Variants in CIMIP6 observed in about 807,000 individuals in gnomAD.
CIMIP6 encodes the protein uncharacterized protein C2orf73.
At chr2:54,363,615 G>T in the CIMIP6 span, among the ~76,000 whole-genome samples, 7 of 152,196 alleles carry the variant, frequency 4.6e-5, no homozygotes, top group East Asian at 1.2e-3. Flanking sequence ...CTAAACGTGA[G>T]TTCTTTAGTA....
the CIMIP6 span, among the ~76,000 whole-genome samples, chr2:54,353,273 G>A: frequency 1.4e-4 from 22 of 152,232 alleles, no homozygotes; most frequent in African/African-American, 2.2e-4. Context: ...TTAAACAACC[G>A]TCCCTGATTG....
the CIMIP6 span, among the ~76,000 whole-genome samples, chr2:54,348,727 A>G: frequency 6.6e-6 from 1 of 152,240 alleles, no homozygotes; most frequent in Non-Finnish European, 1.5e-5. Flanking sequence ...TAAGCATATG[A>G]ACATGCACAT....
chr2:54,360,272 G>A, the CIMIP6 span: 2 of 1,612,216 alleles, frequency 1.2e-6, no homozygotes, highest in African/African-American at 1.3e-5. Context: ...AGGAGCAGAG[G>A]TATTACTGAA....
chr2:54,356,302 C>T, the CIMIP6 span, among the ~76,000 whole-genome samples: 41 of 152,284 alleles, frequency 2.7e-4, no homozygotes, highest in East Asian at 5.8e-4. Context: ...GGGACTTCTG[C>T]GCGCTTCTGC....
At chr2:54,375,650 T>A in the CIMIP6 span, among the ~76,000 whole-genome samples, 1 of 152,216 alleles carries the variant, frequency 6.6e-6, no homozygotes, top group Non-Finnish European at 1.5e-5. Flanking sequence ...AGAGCATATT[T>A]ACAAGGACAT....
At chr2:54,334,877 C>G in the CIMIP6 span, 1 of 1,558,560 alleles carries the variant, frequency 6.4e-7, no homozygotes, top group Non-Finnish European at 8.7e-7. Flanking sequence ...AAATTAAACA[C>G]GAAGAAAAAC....
the CIMIP6 span, among the ~76,000 whole-genome samples, chr2:54,376,989 G>A: frequency 6.6e-6 from 1 of 152,192 alleles, no homozygotes; most frequent in African/African-American, 2.4e-5. Flanking sequence ...TCCTTCTGAA[G>A]AACAGTCTTT....
the CIMIP6 span, among the ~76,000 whole-genome samples, chr2:54,346,828 CAT>C: frequency 2.0e-5 from 3 of 152,340 alleles, no homozygotes; most frequent in South Asian, 4.1e-4. Context: ...TTTAAAAACA[CAT>C]GTGATATTCT....
the CIMIP6 span, among the ~76,000 whole-genome samples, chr2:54,353,109 G>C: frequency 6.7e-6 from 1 of 150,016 alleles, no homozygotes; most frequent in East Asian, 2.0e-4. Context: ...TCTCCTTGCA[G>C]TAGGTAGATG....
At chr2:54,336,185 T>G in the CIMIP6 span, among the ~76,000 whole-genome samples, 1 of 152,162 alleles carries the variant, frequency 6.6e-6, no homozygotes, top group African/African-American at 2.4e-5. Flanking sequence ...GGCAAAGGTG[T>G]AGTCATGTTA....
chr2:54,338,187 A>G, the CIMIP6 span, among the ~76,000 whole-genome samples: 3 of 152,180 alleles, frequency 2.0e-5, no homozygotes, highest in Admixed American at 2.0e-4. Context: ...TAATCCCAAC[A>G]CTTTGGAAGG....
At chr2:54,344,888 G>A in the CIMIP6 span, among the ~76,000 whole-genome samples, 1 of 152,050 alleles carries the variant, frequency 6.6e-6, no homozygotes, top group South Asian at 2.1e-4. Flanking sequence ...CAACTTTTCT[G>A]GAGCTCCAGA....
chr2:54,356,100 C>T, the CIMIP6 span, among the ~76,000 whole-genome samples: 1 of 148,636 alleles, frequency 6.7e-6, no homozygotes, highest in South Asian at 2.1e-4. Flanking sequence ...CTCTACTAGG[C>T]TGGTCATGTA....
chr2:54,361,542 C>T, the CIMIP6 span: 1 of 152,138 alleles, frequency 6.6e-6, no homozygotes, highest in South Asian at 2.1e-4. Flanking sequence ...TATCTTTATC[C>T]ATTTATTCTC....
At chr2:54,365,968 G>A in the CIMIP6 span, among the ~76,000 whole-genome samples, 3 of 152,128 alleles carry the variant, frequency 2.0e-5, no homozygotes, top group Non-Finnish European at 4.4e-5. Context: ...GTTATTAAGA[G>A]TTCCAGAAGG....
chr2:54,380,856 C>T, the CIMIP6 span, among the ~76,000 whole-genome samples: 1 of 152,208 alleles, frequency 6.6e-6, no homozygotes, highest in African/African-American at 2.4e-5. Flanking sequence ...GTTGGTTTTC[C>T]TCTTTCCTCT....
At chr2:54,343,766 C>T in the CIMIP6 span, 1 of 1,611,082 alleles carries the variant, frequency 6.2e-7, no homozygotes, top group African/African-American at 1.3e-5. Flanking sequence ...GTCTTCCTAC[C>T]ACCTTACGAC....
At chr2:54,382,006 T>C in the CIMIP6 span, 2 of 1,520,882 alleles carry the variant, frequency 1.3e-6, no homozygotes, top group African/African-American at 1.4e-5. Context: ...GCAGTTTCAT[T>C]TTTATAATGA....
the CIMIP6 span, chr2:54,360,491 C>G: frequency 6.4e-7 from 1 of 1,572,040 alleles, no homozygotes; most frequent in East Asian, 2.3e-5. Flanking sequence ...AGGCGCCACT[C>G]AAACAACTGT....
Sources: allele counts gnomAD v4.1 joint callset (sites outside exome capture counted in the v4.1 genomes callset), GRCh38; gene constraint gnomAD v4.1.1; transcripts MANE v1.5; gene names NCBI Gene and HGNC (gene_info 2026-07-23, HGNC 2026-07-21).